The following MTUS2 variants were observed in gnomAD, a reference collection of about 807,000 sequenced individuals.
MTUS2 encodes microtubule-associated tumor suppressor candidate 2.
In MTUS2, 40 loss-of-function variants were observed where a neutral mutation model predicts 114.1. The observed-to-expected ratio is 0.35, with a 90% confidence interval of 0.27 to 0.46. The LOEUF is 0.46. MTUS2 is among the 20% of genes least tolerant of loss of function. The pLI, the probability that MTUS2 is intolerant of heterozygous loss-of-function variation, is 1.00. For missense variants in MTUS2, 1,679 were observed against 1,705.4 expected (o/e 0.98, Z 0.27); for synonymous variants, 688 against 672.0 (o/e 1.02, Z -0.37).
At chr13:29,063,708 A>G (rs1888527108) in intron 4 of MTUS2, among the ~76,000 whole-genome samples, 1 of 152,224 alleles carries the variant, frequency 6.6e-6, no homozygotes, top group African/African-American at 2.4e-5. Flanking sequence ...CTAAACAAGC[A>G]CAGTCTGGGC....
chr13:29,174,042 G>A (rs1280445563), intron 5 of MTUS2, among the ~76,000 whole-genome samples: 1 of 152,134 alleles, frequency 6.6e-6, no homozygotes, highest in Non-Finnish European at 1.5e-5. Flanking sequence ...TGCAAAGGGA[G>A]TCTGATTTCA....
intron 4 of MTUS2, among the ~76,000 whole-genome samples, chr13:29,089,377 ACTTTAAGGT>A (rs1339521169): frequency 6.6e-6 from 1 of 152,144 alleles, no homozygotes; most frequent in Non-Finnish European, 1.5e-5. Context: ...TTTCTAGCTA[ACTTTAAGGT>A]CTTTTCTTTC....
chr13:29,491,046 TGTGTG>T (rs1160534556), intron 11 of MTUS2, among the ~76,000 whole-genome samples: 38 of 148,518 alleles, frequency 2.6e-4, no homozygotes, highest in African/African-American at 9.0e-4. Flanking sequence ...TGTGTGTGTG[TGTGTG>T]GTGGGAGGCA....
chr13:29,260,494 G>A (rs1897430501), intron 5 of MTUS2, among the ~76,000 whole-genome samples: 1 of 152,266 alleles, frequency 6.6e-6, no homozygotes, highest in South Asian at 2.1e-4. Flanking sequence ...ATATCCTATC[G>A]CTCAATGTCA....
chr13:29,208,558 A>G (rs766112020), intron 5 of MTUS2, among the ~76,000 whole-genome samples: 47 of 151,938 alleles, frequency 3.1e-4, no homozygotes, highest in Non-Finnish European at 5.6e-4. Context: ...TGATGCAGGT[A>G]TTTAGTGCTC....
chr13:28,886,084 G>A (rs1473623529), intron 2 of MTUS2, among the ~76,000 whole-genome samples: 2 of 152,194 alleles, frequency 1.3e-5, no homozygotes, highest in African/African-American at 4.8e-5. Flanking sequence ...AACAGCAGAG[G>A]CCAATGAGTC....
At chr13:28,999,206 A>C (rs1248955883) in intron 2 of MTUS2, among the ~76,000 whole-genome samples, 1 of 152,082 alleles carries the variant, frequency 6.6e-6, no homozygotes, top group African/African-American at 2.4e-5. Flanking sequence ...AGAACAGTGG[A>C]TATTGGTGAA....
At chr13:28,976,207 A>C (rs1884091759) in intron 2 of MTUS2, among the ~76,000 whole-genome samples, 1 of 103,414 alleles carries the variant, frequency 9.7e-6, no homozygotes, top group Non-Finnish European at 2.0e-5. Flanking sequence ...TTGTCTCAAA[A>C]AAAAAAAAAA....
rs560381794 is a variant in MTUS2, at chr13:29,194,281, A to G, written c.2645-87423A>G. ...AACTAAAAAGCTTCTACACAGCAAA[A>G]GAAACTACCATCAGAGTGAAGAGGC... On this transcript the variant is annotated intron_variant, in intron 5 of 15. Coordinates refer to ENST00000612955, the MANE Select transcript of MTUS2 (RefSeq NM_001033602.4). Among the ~76,000 whole-genome samples the G allele has an allele frequency of 2.0e-5, 3 of 152,340 alleles. No homozygotes were observed. The East Asian group carries it at 5.8e-4, about 29-fold the overall frequency.
intron 2 of MTUS2, among the ~76,000 whole-genome samples, chr13:28,869,914 GATGCAGACTCTTA>G (rs1689741696): frequency 6.6e-6 from 1 of 152,238 alleles, no homozygotes; most frequent in East Asian, 1.9e-4. Context: ...CTTTTAAGTG[GATGCAGACTCTTA>G]ATTTCTTTCT....
At chr13:29,470,764 C>T (rs1880225442) in intron 9 of MTUS2, among the ~76,000 whole-genome samples, 1 of 152,234 alleles carries the variant, frequency 6.6e-6, no homozygotes, top group Non-Finnish European at 1.5e-5. Context: ...TTCTGCTCTC[C>T]TCCATGGGCA....
At chr13:28,971,245 CT>C (rs1883842864) in intron 2 of MTUS2, among the ~76,000 whole-genome samples, 2 of 152,086 alleles carry the variant, frequency 1.3e-5, no homozygotes, top group Admixed American at 1.3e-4. Flanking sequence ...TGACTCATTA[CT>C]GGTAGTGTTG....
intron 5 of MTUS2, among the ~76,000 whole-genome samples, chr13:29,264,981 T>C (rs1009547880): frequency 5.9e-5 from 9 of 152,256 alleles, no homozygotes; most frequent in African/African-American, 2.2e-4. Flanking sequence ...ATTGAATTCC[T>C]CTTTACTTTT....
chr13:29,370,400 A>G (rs7993690), intron 8 of MTUS2, among the ~76,000 whole-genome samples: 20,260 of 151,926 alleles, frequency 0.13, 1,427 homozygotes, highest in Middle Eastern at 0.24. Flanking sequence ...ATGCAAGGCT[A>G]TAGTGCTCTA....
chr13:29,012,012 T>G (rs1246107423), intron 2 of MTUS2, among the ~76,000 whole-genome samples: 4 of 152,230 alleles, frequency 2.6e-5, no homozygotes, highest in African/African-American at 9.7e-5. Context: ...GAGCTGTAAG[T>G]GAACCTCACT....
intron 9 of MTUS2, among the ~76,000 whole-genome samples, chr13:29,475,587 T>C (rs1880640426): frequency 1.3e-5 from 2 of 152,210 alleles, no homozygotes; most frequent in African/African-American, 4.8e-5. Context: ...TTGATGGTCC[T>C]GAGCCTGTGT....
At chr13:28,915,825 C>T (rs1005118216) in intron 2 of MTUS2, among the ~76,000 whole-genome samples, 1 of 151,642 alleles carries the variant, frequency 6.6e-6, no homozygotes, top group Non-Finnish European at 1.5e-5. Flanking sequence ...GTCCATTTTG[C>T]TTTGGATGCC....
chr13:29,169,075 C>T (rs1042057472), intron 5 of MTUS2, among the ~76,000 whole-genome samples: 38 of 152,120 alleles, frequency 2.5e-4, no homozygotes, highest in African/African-American at 8.9e-4. Context: ...AGGACAGCTG[C>T]CTCAGTCTTG....
At chr13:28,881,593 AAC>A (rs1380605133) in intron 2 of MTUS2, among the ~76,000 whole-genome samples, 1 of 152,230 alleles carries the variant, frequency 6.6e-6, no homozygotes, top group African/African-American at 2.4e-5. Context: ...CATTCCTGCC[AAC>A]AGTGTATGAG....
Sources: gnomAD v4.1 joint callset for allele counts (sites outside exome capture counted in the v4.1 genomes callset) on GRCh38, gnomAD v4.1.1 for gene constraint, MANE v1.5 for transcripts, NCBI Gene and HGNC (gene_info 2026-07-23, HGNC 2026-07-21) for gene names.